MTOR: variants seen among roughly 807,000 people sequenced by gnomAD.
The protein encoded by MTOR is mechanistic target of rapamycin kinase, also known as serine/threonine-protein kinase mTOR.
MTOR carries 70 observed loss-of-function variants against 319.8 expected under a neutral mutation model. The observed-to-expected ratio is 0.22, with a 90% CI of 0.18 to 0.27. MTOR has a LOEUF of 0.27. Among genes scored for constraint, MTOR ranks in the 10% least tolerant of loss-of-function variants. MTOR has a pLI of 1.00. For missense variants in MTOR, 1,890 were observed against 3,274.4 expected, an observed-to-expected ratio of 0.58 and a Z score of 10.32; for synonymous variants, 1,183 against 1,211.4, an observed-to-expected ratio of 0.98 and a Z score of 0.49.
chr1:11,213,222 G>C (rs1557429327), intron 21 of MTOR, among the ~76,000 whole-genome samples, 177 bp downstream of exon 21: 1 of 152,176 alleles, frequency 6.6e-6, no homozygotes, highest in Non-Finnish European at 1.5e-5. Flanking sequence ...GGATAATCAA[G>C]AGAGGATTAC....
intron 19 of MTOR, among the ~76,000 whole-genome samples, chr1:11,220,550 T>G (rs1646629021): frequency 6.6e-6 from 1 of 152,138 alleles, no homozygotes; most frequent in South Asian, 2.1e-4. Flanking sequence ...GACAGGGTGA[T>G]GAGACATGAA....
chr1:11,165,992 G>A (rs1315997186), intron 29 of MTOR, among the ~76,000 whole-genome samples: 1 of 152,140 alleles, frequency 6.6e-6, no homozygotes, highest in Non-Finnish European at 1.5e-5. Flanking sequence ...AAGCAATGGG[G>A]GAAGGATTCC....
At position 11,228,907 on chromosome 1, in the gene MTOR, T is replaced by A. The variant is rs887173431; in HGVS notation, c.2791A>T (p.Thr931Ser). The A allele has an allele frequency of 6.2e-7, 1 of 1,614,136 alleles. No homozygotes were observed. Among genetic ancestry groups the A allele is most frequent in the Non-Finnish European group, 8.5e-7 (1 of 1,180,000 alleles). ...CCCATGTTGACCAGCATTTCACTAGTGCTATAGTCAGCTAGGACAAAACAA... is the reference window on the plus strand; with the variant it reads ...CCCATGTTGACCAGCATTTCACTAGAGCTATAGTCAGCTAGGACAAAACAA... Reference protein sequence around the residue: ...KSSQDSSDYSTSEMLVNMGNL... With the variant: ...KSSQDSSDYSSSEMLVNMGNL... Residue 931 changes from threonine (T) to serine (S), a missense_variant, in exon 19 of 58, where the codon ACT becomes TCT. By Grantham distance (58) the Thr-to-Ser change is moderately conservative. This residue lies in a region of MTOR where 377 missense variants were observed against 653.9 expected (regional missense o/e 0.58). Transcript: ENST00000361445.
intron 28 of MTOR, among the ~76,000 whole-genome samples, chr1:11,171,775 C>G (rs1644821810): frequency 6.6e-6 from 1 of 152,004 alleles, no homozygotes; most frequent in Admixed American, 6.5e-5. Context: ...TGGCTCATGC[C>G]TGTAATTCCA....
In MTOR at chr1:11,199,717, A is replaced by C. The variant is rs768821793; in HGVS notation, c.3945-14T>G. 1.2e-6 allele frequency: 2 copies of C among 1,612,730 alleles called. No individual in the cohort carries two copies. Among genetic ancestry groups the C allele is most frequent in the South Asian group, 2.2e-5 (2 of 91,028 alleles). On this transcript the variant is annotated splice_polypyrimidine_tract_variant and intron_variant, in intron 26 of 57. Coordinates refer to ENST00000361445, the MANE Select transcript of MTOR (RefSeq NM_004958.4). This position sits in a 1 kb window ranked among gnomAD's most constrained non-coding sequence, Gnocchi z 4.5. ...TTGAAGAGATCCCTGAAGGCAGAGA[A>C]GGTGGAAAATGGAGAGACCTCCCGT... is the stretch of plus-strand genomic sequence containing the variant.
At chr1:11,117,551 C>A (rs189642034) in intron 49 of MTOR, among the ~76,000 whole-genome samples, 25 of 152,104 alleles carry the variant, frequency 1.6e-4, no homozygotes, top group African/African-American at 6.0e-4. Context: ...ATGAACTATG[C>A]CTTGAATTAA....
At chr1:11,229,384 ACT>A (rs1646944940) in intron 18 of MTOR, among the ~76,000 whole-genome samples, 1 of 152,142 alleles carries the variant, frequency 6.6e-6, no homozygotes, top group Non-Finnish European at 1.5e-5. Flanking sequence ...GACCTCAAGG[ACT>A]CTGACGGTGG....
intron 29 of MTOR, among the ~76,000 whole-genome samples, chr1:11,164,334 G>GAAAAAAA (rs547043272): frequency 3.3e-5 from 2 of 60,162 alleles, no homozygotes; most frequent in Admixed American, 2.0e-4. Flanking sequence ...GACTCTGCCT[G>GAAAAAAA]AAAAAAAAAA....
At chr1:11,137,399 G>A (rs975042324) in intron 36 of MTOR, among the ~76,000 whole-genome samples, 4 of 152,120 alleles carry the variant, frequency 2.6e-5, no homozygotes, top group African/African-American at 9.7e-5. Context: ...AGCTGGGGAG[G>A]CTGGGTATTA....
chr1:11,112,970 G>T, intron 53 of MTOR, 53 bp from the exon 54 acceptor site: 1 of 1,555,358 alleles, frequency 6.4e-7, no homozygotes, highest in Non-Finnish European at 8.8e-7. Flanking sequence ...TGACTTGAAA[G>T]AAACTTGGTT....
At chr1:11,240,863 G>A (rs967433681) in intron 10 of MTOR, among the ~76,000 whole-genome samples, 1 of 152,112 alleles carries the variant, frequency 6.6e-6, no homozygotes, top group African/African-American at 2.4e-5. Flanking sequence ...AGAGAACTTA[G>A]TTTAGGAAGC....
At chr1:11,156,497 T>A (rs896892639) in intron 30 of MTOR, among the ~76,000 whole-genome samples, 2 of 152,146 alleles carry the variant, frequency 1.3e-5, no homozygotes, top group Admixed American at 1.3e-4. Context: ...GGAGTACCTG[T>A]TTCCCCCCTA....
At position 11,133,083 on chromosome 1, in the gene MTOR, G is replaced by A. The variant is rs763159447; in HGVS notation, c.5361C>T (p.Tyr1787=). 1.9e-5 allele frequency: 31 copies of A among 1,613,934 alleles called. 1 individual carries two copies. In the South Asian group the frequency reaches 3.0e-4, roughly 15 times the overall value. ...SAATEHDRSW[Y]KAWHAWAVMN... ...CAGGTGGCCTGCTTCTGATCACCTT[G>A]TACCAGCTGCGGTCGTGCTCTGTGG... is the stretch of plus-strand genomic sequence containing the variant. Residue 1787 remains tyrosine (Y), a synonymous_variant, in exon 38 of 58, where the codon TAC becomes TAT. Transcript: ENST00000361445. The surrounding 1 kb of genome is among the most constrained non-coding windows in gnomAD (Gnocchi z 4.0).
intron 13 of MTOR, 100 bp downstream of exon 13, chr1:11,237,742 CT>C (rs1306826342): frequency 7.6e-7 from 1 of 1,314,346 alleles, no homozygotes; most frequent in East Asian, 2.4e-5. Context: ...GTACCTCAAT[CT>C]TTCTCCCCCA....
chr1:11,138,272 C>G (rs1244700203), intron 36 of MTOR, among the ~76,000 whole-genome samples: 1 of 152,168 alleles, frequency 6.6e-6, no homozygotes, highest in East Asian at 1.9e-4. Flanking sequence ...CAGAAATGCT[C>G]TGGCCTGGGA....
At position 11,128,813 on chromosome 1, in the gene MTOR, A is replaced by T; in HGVS notation, c.5811+42T>A. On this transcript the variant is annotated intron_variant, in intron 41 of 57. Transcript: ENST00000361445. The surrounding 1 kb of genome is among the most constrained non-coding windows in gnomAD (Gnocchi z 5.3). The stretch of plus-strand genomic sequence containing the variant: ...GCTTGTAAGAGGAGACACACAGAAG[A>T]GAGACTTGGAGCCACCTTCACCTGT... 6.6e-7 allele frequency: 1 copy of T among 1,507,464 alleles called. No homozygotes were observed. Among genetic ancestry groups the T allele is most frequent in the Non-Finnish European group, 9.2e-7 (1 of 1,086,762 alleles). The allele number at this position is 1,507,464 out of a possible 1,614,324, so 93.4% of individuals were successfully genotyped here.
chr1:11,209,328 G>T lies in MTOR; in HGVS notation c.3785C>A (p.Thr1262Asn). 1 of 1,614,158 alleles carries T rather than the reference G, an allele frequency of 6.2e-7. No homozygotes were observed. Among genetic ancestry groups the T allele is most frequent in the Non-Finnish European group, 8.5e-7 (1 of 1,180,022 alleles). The change falls in exon 25 of 58, where the codon ACC becomes AAC. Residue 1262 changes from threonine to asparagine, a missense_variant. Coordinates refer to ENST00000361445, the MANE Select transcript of MTOR (RefSeq NM_004958.4). The part of the protein sequence containing the change: ...TGPMKKLHVS[T>N]INLQKAWGAA... ...TGGACTTGCCTTTTGGAGGTTGATG[G>T]TGCTGACGTGCAGTTTCTTCATGGG...
Position 11,199,449 on chromosome 1 carries a change from G to C in MTOR, c.4108-46C>G. The C allele has an allele frequency of 6.2e-7, 1 of 1,614,028 alleles. No individual in the cohort carries two copies. Among genetic ancestry groups the C allele is most frequent in the African/African-American group, 1.3e-5 (1 of 75,036 alleles). ...ACAGCACAGGAAAATGGCAGATGGG[G>C]CACAAACAAGAGAAGGCTGTGTGGA... On this transcript the variant is annotated intron_variant, in intron 27 of 57. Coordinates refer to ENST00000361445, the MANE Select transcript of MTOR (RefSeq NM_004958.4). The surrounding 1 kb of genome is among the most constrained non-coding windows in gnomAD (Gnocchi z 4.5).
At chr1:11,207,592 A>G (rs1197443633) in intron 25 of MTOR, among the ~76,000 whole-genome samples, 1 of 109,588 alleles carries the variant, frequency 9.1e-6, no homozygotes, top group Non-Finnish European at 1.8e-5. Context: ...AAATTTTTTC[A>G]ATTCCTTTTT....
Sources: gnomAD v4.1 joint callset for allele counts (sites outside exome capture counted in the v4.1 genomes callset) on GRCh38, gnomAD v4.1.1 for gene constraint, gnomAD v4.1.1 regional missense constraint, Gnocchi (gnomAD v3.1) non-coding constraint, MANE v1.5 for transcripts, NCBI Gene and HGNC (gene_info 2026-07-23, HGNC 2026-07-21) for gene names.